EPHB1: variants seen among roughly 807,000 people sequenced by gnomAD.
The protein encoded by EPHB1 is ephrin type-B receptor 1.
A neutral mutation model predicts 94.4 loss-of-function variants in EPHB1; 30 were observed. The ratio of observed to expected loss-of-function variants is 0.32; its 90% CI spans 0.24 to 0.43. The LOEUF is 0.43. EPHB1 is among the 20% of genes least tolerant of loss of function. EPHB1 has a pLI of 1.00. For missense variants in EPHB1, 1,055 were observed against 1,308.3 expected (o/e 0.81, Z 2.99); for synonymous variants, 522 against 489.1 (o/e 1.07, Z -0.89).
intron 3 of EPHB1, among the ~76,000 whole-genome samples, chr3:135,083,976 G>A (rs1938252118): frequency 6.6e-6 from 1 of 152,126 alleles, no homozygotes; most frequent in South Asian, 2.1e-4. Flanking sequence ...GTGGTGGCAG[G>A]ATGGTGAAAT....
intron 3 of EPHB1, among the ~76,000 whole-genome samples, chr3:134,960,621 GT>G (rs1282385021): frequency 1.3e-5 from 2 of 152,174 alleles, no homozygotes; most frequent in African/African-American, 4.8e-5. Context: ...AGCTGCAAGT[GT>G]GTTCGACTCA....
At chr3:135,219,269 A>G (rs1943224597) in intron 12 of EPHB1, among the ~76,000 whole-genome samples, 1 of 152,086 alleles carries the variant, frequency 6.6e-6, no homozygotes, top group Non-Finnish European at 1.5e-5. Flanking sequence ...CCAAAAAGAT[A>G]CATTGGAGTC....
chr3:135,180,512 T>C (rs1942125881), intron 10 of EPHB1, among the ~76,000 whole-genome samples: 1 of 152,180 alleles, frequency 6.6e-6, no homozygotes, highest in African/African-American at 2.4e-5. Context: ...TGTTTGTTTG[T>C]TTTACAAAAA....
intron 4 of EPHB1, among the ~76,000 whole-genome samples, chr3:135,115,737 C>T (rs1460684800): frequency 6.6e-6 from 1 of 152,154 alleles, no homozygotes; most frequent in African/African-American, 2.4e-5. Context: ...TTATCTGAAT[C>T]TCTATTTTTA....
At chr3:134,957,394 G>A (rs1462841463) in intron 3 of EPHB1, among the ~76,000 whole-genome samples, 1 of 152,204 alleles carries the variant, frequency 6.6e-6, no homozygotes, top group Non-Finnish European at 1.5e-5. Context: ...GGATGAACCT[G>A]GGTGCCTGAG....
chr3:135,249,607 A>C, intron 15 of EPHB1, 116 bp downstream of exon 15: 2 of 1,262,316 alleles, frequency 1.6e-6, no homozygotes, highest in Non-Finnish European at 2.2e-6. Context: ...CCGTCTCTGT[A>C]TAGACCAGGC....
At chr3:135,175,882 T>G (rs994815324) in intron 9 of EPHB1, among the ~76,000 whole-genome samples, 4 of 152,230 alleles carry the variant, frequency 2.6e-5, no homozygotes, top group African/African-American at 9.6e-5. Context: ...CTTGAATTCC[T>G]TGTTCACTGT....
chr3:134,896,726 A>G (rs1199833799), intron 1 of EPHB1, among the ~76,000 whole-genome samples: 1 of 152,258 alleles, frequency 6.6e-6, no homozygotes, highest in Non-Finnish European at 1.5e-5. Flanking sequence ...TGCCAGGTTC[A>G]GGGGGAAGCC....
intron 1 of EPHB1, among the ~76,000 whole-genome samples, chr3:134,856,221 C>T (rs1442369787): frequency 3.3e-5 from 5 of 152,102 alleles, no homozygotes; most frequent in Admixed American, 2.0e-4. Flanking sequence ...TTTATGGGCA[C>T]GGGTGTGTGG....
At chr3:135,013,897 T>C (rs1935704652) in intron 3 of EPHB1, among the ~76,000 whole-genome samples, 1 of 152,198 alleles carries the variant, frequency 6.6e-6, no homozygotes, top group African/African-American at 2.4e-5. Flanking sequence ...AAACAGTGAT[T>C]CTGAAGGTTG....
At chr3:134,919,702 A>C (rs898468691) in intron 1 of EPHB1, among the ~76,000 whole-genome samples, 2 of 152,250 alleles carry the variant, frequency 1.3e-5, no homozygotes, top group African/African-American at 4.8e-5. Flanking sequence ...TCAGGTTCGG[A>C]GGACAGCTCA....
rs564441074 is a variant in EPHB1, at chr3:134,919,727, A to G, written c.59-6089A>G. Among the ~76,000 whole-genome samples, 3 of 152,260 alleles carry G rather than the reference A, an allele frequency of 2.0e-5. No homozygotes were observed. In the South Asian group the frequency reaches 6.2e-4, roughly 32 times the overall value. ...AGGACAGCTCAGAGACCCCTAGGGA[A>G]GGCAGACGACCCAGCCACGCACACC... On this transcript the variant is annotated intron_variant, in intron 1 of 15. Coordinates refer to ENST00000398015, the MANE Select transcript of EPHB1 (RefSeq NM_004441.5).
chr3:134,887,929 G>T (rs2037891489), intron 1 of EPHB1, among the ~76,000 whole-genome samples: 1 of 152,172 alleles, frequency 6.6e-6, no homozygotes, highest in South Asian at 2.1e-4. Context: ...GATTCACTTT[G>T]CCCACTTCTC....
rs577342129 is a variant in EPHB1 at position 134,916,815 on chromosome 3, A to G, written c.59-9001A>G. ...GCCCAGAGAAGGGCTCCCAAGGTGC[A>G]GCGGCAGGCTGAAGGGCTCCTCAAG... On this transcript the variant is annotated intron_variant, in intron 1 of 15. Transcript: ENST00000398015. 3.9e-5 allele frequency among the ~76,000 whole-genome samples: 6 copies of G among 152,204 alleles called. No individual in the cohort carries two copies. In the South Asian group the frequency reaches 1.0e-3, roughly 26 times the overall value.
At chr3:134,975,616 G>A (rs1309026302) in intron 3 of EPHB1, among the ~76,000 whole-genome samples, 1 of 152,080 alleles carries the variant, frequency 6.6e-6, no homozygotes, top group Non-Finnish European at 1.5e-5. Flanking sequence ...TTGCTTACAT[G>A]ATCTCATTTA....
intron 13 of EPHB1, among the ~76,000 whole-genome samples, chr3:135,243,520 G>A (rs1477734759): frequency 6.6e-6 from 1 of 152,186 alleles, no homozygotes. Context: ...AAGCCCCTAA[G>A]CATTGTCTCA....
chr3:134,926,831 C>A (rs895256863), intron 2 of EPHB1, among the ~76,000 whole-genome samples: 5 of 152,160 alleles, frequency 3.3e-5, no homozygotes, highest in Non-Finnish European at 7.3e-5. Flanking sequence ...GAGGCTCTTT[C>A]AGCTGTCTTG....
intron 3 of EPHB1, among the ~76,000 whole-genome samples, chr3:135,074,436 G>A (rs1937838251): frequency 6.6e-6 from 1 of 152,160 alleles, no homozygotes; most frequent in Non-Finnish European, 1.5e-5. Context: ...AAGGAAAAAT[G>A]TTGTATGATT....
intron 3 of EPHB1, among the ~76,000 whole-genome samples, chr3:135,018,631 C>T (rs933732123): frequency 6.6e-6 from 1 of 152,172 alleles, no homozygotes; most frequent in African/African-American, 2.4e-5. Flanking sequence ...TACCTTTGAA[C>T]ATATTTAGCA....
Sources: gnomAD v4.1 joint callset for allele counts (sites outside exome capture counted in the v4.1 genomes callset) on GRCh38, gnomAD v4.1.1 for gene constraint, MANE v1.5 for transcripts, NCBI Gene and HGNC (gene_info 2026-07-23, HGNC 2026-07-21) for gene names.